ADAM12: variants seen among roughly 807,000 people sequenced by gnomAD.
The protein encoded by ADAM12 is disintegrin and metalloproteinase domain-containing protein 12.
In ADAM12, 70 loss-of-function variants were observed where a neutral mutation model predicts 106.4. The ratio of observed to expected loss-of-function variants is 0.66; its 90% CI spans 0.54 to 0.80. The LOEUF (loss-of-function observed/expected upper bound fraction) is 0.80. Among genes scored for constraint, ADAM12 ranks in the 30% least tolerant of loss-of-function variants. The pLI, the probability that ADAM12 is intolerant of heterozygous loss-of-function variation, is 0.00. For missense variants in ADAM12, 1,010 were observed against 1,171.9 expected (o/e 0.86, Z 2.02); for synonymous variants, 420 against 433.5 (o/e 0.97, Z 0.39).
At chr10:126,022,278 T>G (rs1410798274) in intron 21 of ADAM12, among the ~76,000 whole-genome samples, 1 of 152,196 alleles carries the variant, frequency 6.6e-6, no homozygotes, top group Non-Finnish European at 1.5e-5. Flanking sequence ...ATGGTCACCA[T>G]AGTGATGAAA....
At chr10:126,215,903 C>G (rs1228093678) in intron 3 of ADAM12, among the ~76,000 whole-genome samples, 1 of 152,132 alleles carries the variant, frequency 6.6e-6, no homozygotes, top group African/African-American at 2.4e-5. Context: ...TGAGAGCTCA[C>G]GAGTTGCCCT....
At position 126,378,328 on chromosome 10, in the gene ADAM12, T is replaced by C. The variant is rs534501718; in HGVS notation, c.88+9730A>G. Among the ~76,000 whole-genome samples, 3 of 152,278 alleles carry C rather than the reference T, an allele frequency of 2.0e-5. No homozygotes were observed. In the East Asian group the frequency reaches 5.8e-4, roughly 29 times the overall value. On this transcript the variant is annotated intron_variant, in intron 1 of 22. Transcript: ENST00000448723. The stretch of plus-strand genomic sequence containing the variant: ...CTAGAGCTTACACCCATACCTAAGA[T>C]AGCAAGGATCCTCTCACCATTGCAA...
chr10:126,029,401 T>A lies in ADAM12; in HGVS notation c.2529+6745A>T, dbSNP rs1009648831. ...GGTAAATATACACCATGGAATACTA[T>A]GCAGCCATAAAAAGGAATGAGATCA... On this transcript the variant is annotated intron_variant, in intron 21 of 22. Transcript: ENST00000448723. Among the ~76,000 whole-genome samples, 125 of 152,178 alleles carry A rather than the reference T, an allele frequency of 8.2e-4. 1 individual carries two copies. Among genetic ancestry groups the A allele is most frequent in the African/African-American group, 2.8e-3 (118 of 41,438 alleles).
chr10:126,194,278 C>CAAAAAAAA (rs35778124), intron 3 of ADAM12, among the ~76,000 whole-genome samples: 3 of 58,058 alleles, frequency 5.2e-5, no homozygotes, highest in African/African-American at 5.5e-5. Context: ...TTCATATGCT[C>CAAAAAAAA]AAAAAAAAAA....
intron 3 of ADAM12, among the ~76,000 whole-genome samples, chr10:126,216,855 C>T (rs1234749850): frequency 6.6e-6 from 1 of 152,244 alleles, no homozygotes; most frequent in Admixed American, 6.5e-5. Context: ...AAAGATGATC[C>T]ATGAGGTACC....
chr10:126,174,295 C>CTTCA (rs1405976474), intron 3 of ADAM12, among the ~76,000 whole-genome samples: 1 of 151,788 alleles, frequency 6.6e-6, no homozygotes, highest in African/African-American at 2.4e-5. Flanking sequence ...CCACCAAATA[C>CTTCA]TTCATTGCAT....
intron 12 of ADAM12, among the ~76,000 whole-genome samples, chr10:126,068,188 G>A (rs1377525013): frequency 1.3e-5 from 2 of 152,092 alleles, no homozygotes; most frequent in African/African-American, 4.8e-5. Flanking sequence ...AAAGAGTTTA[G>A]GAACTTTTTT....
chr10:126,217,541 A>G (rs2133846716), intron 3 of ADAM12, among the ~76,000 whole-genome samples: 1 of 151,718 alleles, frequency 6.6e-6, no homozygotes, highest in Non-Finnish European at 1.5e-5. Flanking sequence ...CTAATTTTGT[A>G]TTTTTAGTAG....
chr10:126,116,269 G>A (rs1047055706), intron 6 of ADAM12, among the ~76,000 whole-genome samples: 3 of 152,282 alleles, frequency 2.0e-5, no homozygotes, highest in African/African-American at 4.8e-5. Flanking sequence ...CGTGGGCAAC[G>A]TGCATTCAAC....
chr10:126,285,520 A>C (rs1264377702), intron 2 of ADAM12, among the ~76,000 whole-genome samples: 1 of 152,168 alleles, frequency 6.6e-6, no homozygotes, highest in Non-Finnish European at 1.5e-5. Flanking sequence ...TTTTTCATGA[A>C]ATAGCTCTTG....
At chr10:126,284,637 C>T (rs995141534) in intron 2 of ADAM12, among the ~76,000 whole-genome samples, 1 of 152,316 alleles carries the variant, frequency 6.6e-6, no homozygotes, top group African/African-American at 2.4e-5. Context: ...ATCCTCCTGC[C>T]TCAGCCTCTC....
intron 3 of ADAM12, among the ~76,000 whole-genome samples, chr10:126,156,217 G>A (rs1368129666): frequency 6.7e-6 from 1 of 148,510 alleles, no homozygotes; most frequent in East Asian, 2.0e-4. Flanking sequence ...AGTGTGAAGG[G>A]AGCGATCACA....
At chr10:126,142,575 A>G (rs1956533364) in intron 4 of ADAM12, among the ~76,000 whole-genome samples, 1 of 152,246 alleles carries the variant, frequency 6.6e-6, no homozygotes, top group South Asian at 2.1e-4. Flanking sequence ...TGTCATGGCC[A>G]TCACGAACAT....
intron 3 of ADAM12, among the ~76,000 whole-genome samples, chr10:126,173,455 G>A (rs1341685439): frequency 6.6e-6 from 1 of 151,998 alleles, no homozygotes; most frequent in Non-Finnish European, 1.5e-5. Context: ...TGTAATGGAG[G>A]GTGTTTAGCA....
intron 11 of ADAM12, among the ~76,000 whole-genome samples, chr10:126,092,065 G>A (rs1276576385): frequency 6.6e-6 from 1 of 152,076 alleles, no homozygotes; most frequent in African/African-American, 2.4e-5. Flanking sequence ...TGAGAATTGG[G>A]ACAACCAGAT....
At chr10:126,117,455 T>C (rs1474639253) in intron 6 of ADAM12, among the ~76,000 whole-genome samples, 1 of 152,122 alleles carries the variant, frequency 6.6e-6, no homozygotes, top group East Asian at 1.9e-4. Context: ...AGGACAAGCA[T>C]TTGCAGCTTG....
At chr10:126,202,379 T>C (rs1034535128) in intron 3 of ADAM12, among the ~76,000 whole-genome samples, 2 of 152,260 alleles carry the variant, frequency 1.3e-5, no homozygotes, top group Non-Finnish European at 2.9e-5. Flanking sequence ...TGAACTGTAA[T>C]TTTGTATAAA....
At chr10:126,270,835 C>A (rs962131868) in intron 3 of ADAM12, among the ~76,000 whole-genome samples, 3 of 152,162 alleles carry the variant, frequency 2.0e-5, no homozygotes, top group Non-Finnish European at 4.4e-5. Flanking sequence ...GGCCTGGGAG[C>A]GATCCTAGAG....
Position 126,315,166 on chromosome 10 carries a change from CTG to C in ADAM12, c.186+15244_186+15245del, listed in dbSNP as rs1853814520. Among the ~76,000 whole-genome samples, 3 of 152,346 alleles carry C rather than the reference CTG, an allele frequency of 2.0e-5. No homozygotes were observed. In the South Asian group the frequency reaches 6.2e-4, roughly 32 times the overall value. On this transcript the variant is annotated intron_variant, in intron 2 of 22. Coordinates refer to ENST00000448723, the MANE Select transcript of ADAM12 (RefSeq NM_001288973.2). ...CTATGTGTGCTGAAATTCTTGGAATCTGAAAACATGGCAGTTGTAGCTAGTCA... is the reference window on the plus strand; with the variant it reads ...CTATGTGTGCTGAAATTCTTGGAATCAAAACATGGCAGTTGTAGCTAGTCA...
Sources: allele counts gnomAD v4.1 joint callset (sites outside exome capture counted in the v4.1 genomes callset), GRCh38; gene constraint gnomAD v4.1.1; transcripts MANE v1.5; gene names NCBI Gene and HGNC (gene_info 2026-07-23, HGNC 2026-07-21).